HCRTR2: variants seen among roughly 807,000 people sequenced by gnomAD.
HCRTR2 encodes orexin receptor type 2.
Under a neutral mutation model 49.0 loss-of-function variants are expected in HCRTR2, and 22 were observed. The ratio of observed to expected loss-of-function variants is 0.45; its 90% CI spans 0.32 to 0.64. HCRTR2 has a LOEUF of 0.64. HCRTR2 is among the 30% of genes least tolerant of loss of function. The pLI is 0.04. For synonymous variants in HCRTR2, 236 were observed against 205.3 expected (o/e 1.15, Z -1.28); for missense variants, 491 against 559.4 (o/e 0.88, Z 1.23).
At chr6:55,229,877 G>A (rs747296114) in intron 1 of HCRTR2, among the ~76,000 whole-genome samples, 17 of 152,254 alleles carry the variant, frequency 1.1e-4, no homozygotes, top group Non-Finnish European at 2.1e-4. Flanking sequence ...CAAGAGAGGA[G>A]ATGCCATGTT....
chr6:55,168,309 T>A (rs1299558077), intron 1 of HCRTR2, among the ~76,000 whole-genome samples: 2 of 152,212 alleles, frequency 1.3e-5, no homozygotes, highest in African/African-American at 4.8e-5. Flanking sequence ...TGGATTTTTT[T>A]AAATATGTAA....
chr6:55,157,588 C>T (rs968304667), intron 1 of HCRTR2, among the ~76,000 whole-genome samples: 12 of 152,196 alleles, frequency 7.9e-5, no homozygotes, highest in Non-Finnish European at 1.5e-4. Context: ...TGACCCAGTG[C>T]TATGTTGGCT....
intron 1 of HCRTR2, among the ~76,000 whole-genome samples, chr6:55,187,501 A>G (rs1471311884): frequency 6.6e-6 from 1 of 151,332 alleles, no homozygotes; most frequent in Non-Finnish European, 1.5e-5. Flanking sequence ...AGATCCTGGA[A>G]CAACTGAACC....
At chr6:55,187,168 A>T (rs1359870485) in intron 1 of HCRTR2, among the ~76,000 whole-genome samples, 2 of 152,036 alleles carry the variant, frequency 1.3e-5, no homozygotes, top group Non-Finnish European at 2.9e-5. Flanking sequence ...GCACTTTGGG[A>T]TGCTGAGGCG....
chr6:55,114,416 C>T (rs1376948640), intron 1 of HCRTR2, among the ~76,000 whole-genome samples: 2 of 151,804 alleles, frequency 1.3e-5, no homozygotes, highest in African/African-American at 4.8e-5. Flanking sequence ...AGTTAGCGTT[C>T]ATCCTGCTCA....
intron 1 of HCRTR2, among the ~76,000 whole-genome samples, chr6:55,109,004 C>T (rs1344668733): frequency 3.3e-5 from 5 of 152,068 alleles, no homozygotes; most frequent in Non-Finnish European, 5.9e-5. Context: ...TCACTCCCCT[C>T]CTGCTACCTC....
chr6:55,266,097 A>G (rs1766855356), intron 4 of HCRTR2, among the ~76,000 whole-genome samples: 1 of 152,182 alleles, frequency 6.6e-6, no homozygotes, highest in Non-Finnish European at 1.5e-5. Flanking sequence ...AATTAACTCA[A>G]GTGCCTAAAT....
intron 1 of HCRTR2, among the ~76,000 whole-genome samples, chr6:55,107,467 G>T (rs1657941811): frequency 6.6e-6 from 1 of 151,844 alleles, no homozygotes; most frequent in African/African-American, 2.4e-5. Flanking sequence ...AAAGGGAAAG[G>T]CATAAGGCAT....
At chr6:55,259,339 A>G (rs987337058) in intron 3 of HCRTR2, among the ~76,000 whole-genome samples, 3 of 152,158 alleles carry the variant, frequency 2.0e-5, no homozygotes, top group Non-Finnish European at 2.9e-5. Flanking sequence ...GATTTATTAA[A>G]CATATTTATT....
At chr6:55,194,684 G>A (rs1454923773) in intron 1 of HCRTR2, among the ~76,000 whole-genome samples, 1 of 151,988 alleles carries the variant, frequency 6.6e-6, no homozygotes, top group African/African-American at 2.4e-5. Context: ...TACTTTGGGA[G>A]GTTCTATTGT....
At chr6:55,278,619 A>G (rs1484372380) in intron 5 of HCRTR2, among the ~76,000 whole-genome samples, 3 of 152,100 alleles carry the variant, frequency 2.0e-5, no homozygotes, top group African/African-American at 7.2e-5. Flanking sequence ...TCACAGCCTT[A>G]AAGATATATG....
intron 1 of HCRTR2, among the ~76,000 whole-genome samples, chr6:55,112,959 C>T (rs147537478): frequency 6.6e-6 from 1 of 152,030 alleles, no homozygotes; most frequent in South Asian, 2.1e-4. Flanking sequence ...GAACAAATAA[C>T]CCAGAAATAA....
chr6:55,273,121 T>C (rs781249974), intron 4 of HCRTR2, among the ~76,000 whole-genome samples: 1 of 151,958 alleles, frequency 6.6e-6, no homozygotes, highest in Non-Finnish European at 1.5e-5. Flanking sequence ...AAACAAAAAG[T>C]GTCAAGAAAT....
At chr6:55,243,420 C>G (rs1196352893) in intron 1 of HCRTR2, among the ~76,000 whole-genome samples, 1 of 152,114 alleles carries the variant, frequency 6.6e-6, no homozygotes, top group African/African-American at 2.4e-5. Context: ...CATCAGAGGA[C>G]ACAGTACATG....
chr6:55,252,226 T>G (rs1766563535), intron 2 of HCRTR2, among the ~76,000 whole-genome samples: 1 of 152,096 alleles, frequency 6.6e-6, no homozygotes, highest in Non-Finnish European at 1.5e-5. Context: ...TCCTCCCTTT[T>G]CTGTGTGATG....
chr6:55,182,574 A>G (rs966775196), intron 1 of HCRTR2, among the ~76,000 whole-genome samples: 15 of 152,302 alleles, frequency 9.8e-5, no homozygotes, highest in African/African-American at 3.4e-4. Flanking sequence ...GGTGACTACA[A>G]CAGCCACTAC....
At chr6:55,170,531 TG>T (rs1436224995), upstream of HCRTR2, among the ~76,000 whole-genome samples, 2 of 151,996 alleles carry the variant, frequency 1.3e-5, no homozygotes, top group African/African-American at 4.8e-5. Flanking sequence ...GTAATTGATA[TG>T]TATAGCAAAT....
At chr6:55,214,255 A>G (rs1473111085) in intron 1 of HCRTR2, among the ~76,000 whole-genome samples, 1 of 148,100 alleles carries the variant, frequency 6.8e-6, no homozygotes, top group Non-Finnish European at 1.5e-5. Flanking sequence ...CAGAATTTCT[A>G]GCTGGGTTTT....
chr6:55,268,394 A>G (rs1766902236), intron 4 of HCRTR2, among the ~76,000 whole-genome samples: 1 of 152,086 alleles, frequency 6.6e-6, no homozygotes, highest in Non-Finnish European at 1.5e-5. Flanking sequence ...ACTTCAATCA[A>G]AGGGCATAGA....
Sources: allele counts gnomAD v4.1 joint callset (sites outside exome capture counted in the v4.1 genomes callset), GRCh38; gene constraint gnomAD v4.1.1; transcripts MANE v1.5; gene names NCBI Gene and HGNC (gene_info 2026-07-23, HGNC 2026-07-21).